The following BZW2 variants were observed in gnomAD, a reference collection of about 807,000 sequenced individuals.
The protein encoded by BZW2 is basic leucine zipper and W2 domains 2, also known as eIF5-mimic protein 1.
BZW2 carries 23 observed loss-of-function variants against 53.2 expected under a neutral mutation model. The ratio of observed to expected loss-of-function variants is 0.43; its 90% confidence interval spans 0.31 to 0.61. The LOEUF (loss-of-function observed/expected upper bound fraction) is 0.61, where lower values mean the gene tolerates loss of function less well. BZW2 is among the 20% of genes least tolerant of loss of function. The pLI, the probability that BZW2 is intolerant of heterozygous loss-of-function variation, is 0.09. For missense variants in BZW2, 409 were observed against 503.1 expected (o/e 0.81, Z 1.79); for synonymous variants, 227 against 186.4 (o/e 1.22, Z -1.77).
intron 3 of BZW2, among the ~76,000 whole-genome samples, chr7:16,678,293 G>T (rs754615942): frequency 1.3e-5 from 2 of 151,702 alleles, no homozygotes; most frequent in Non-Finnish European, 2.9e-5. Flanking sequence ...CTGACCTCAG[G>T]TGATCTGTCC....
At chr7:16,689,174 C>T (rs180678255) in intron 6 of BZW2, among the ~76,000 whole-genome samples, 91 of 152,154 alleles carry the variant, frequency 6.0e-4, no homozygotes, top group African/African-American at 2.1e-3. Flanking sequence ...TGCAGTGAGC[C>T]GAGATCGTGC....
intron 3 of BZW2, among the ~76,000 whole-genome samples, chr7:16,677,496 G>C (rs1782802596): frequency 6.6e-6 from 1 of 152,192 alleles, no homozygotes; most frequent in African/African-American, 2.4e-5. Flanking sequence ...GGGTTGTGTA[G>C]TTGAGATTTC....
At chr7:16,667,891 G>A (rs1782479689) in intron 2 of BZW2, among the ~76,000 whole-genome samples, 2 of 151,948 alleles carry the variant, frequency 1.3e-5, no homozygotes, top group Non-Finnish European at 2.9e-5. Context: ...CCACTACATT[G>A]CCCCTTGCCA....
chr7:16,661,498 A>T (rs947340897), intron 1 of BZW2, among the ~76,000 whole-genome samples: 1 of 152,160 alleles, frequency 6.6e-6, no homozygotes, highest in East Asian at 1.9e-4. Flanking sequence ...CAGTTAGAAG[A>T]TTAACAGACT....
chr7:16,647,097 G>A (rs774874587), intron 1 of BZW2, among the ~76,000 whole-genome samples: 1 of 152,160 alleles, frequency 6.6e-6, no homozygotes, highest in Admixed American at 6.5e-5. Context: ...TAGGTAGATG[G>A]GGGTAAATAC....
chr7:16,685,034 G>A (rs950996701), intron 5 of BZW2, among the ~76,000 whole-genome samples: 2 of 152,170 alleles, frequency 1.3e-5, no homozygotes, highest in Admixed American at 1.3e-4. Context: ...TGTGGTGATA[G>A]TGGCCCCTGA....
At chr7:16,684,737 C>A (rs1020616734) in intron 5 of BZW2, among the ~76,000 whole-genome samples, 1 of 152,128 alleles carries the variant, frequency 6.6e-6, no homozygotes, top group Non-Finnish European at 1.5e-5. Flanking sequence ...TCCCTCACTC[C>A]CTGGCACTTA....
intron 9 of BZW2, among the ~76,000 whole-genome samples, chr7:16,697,603 A>G (rs985183209): frequency 6.6e-5 from 10 of 152,216 alleles, no homozygotes; most frequent in Non-Finnish European, 1.3e-4. Context: ...AACAATGGCT[A>G]TGCCTCAGTG....
intron 2 of BZW2, among the ~76,000 whole-genome samples, chr7:16,669,572 A>T (rs2128356300): frequency 6.6e-6 from 1 of 152,368 alleles, no homozygotes; most frequent in Non-Finnish European, 1.5e-5. Context: ...TTTTACAGGA[A>T]AAAAGAAAAT....
chr7:16,685,946 A>C lies in BZW2; in HGVS notation c.447A>C (p.Thr149=). 1 of 1,567,600 alleles carries C rather than the reference A, an allele frequency of 6.4e-7. No homozygotes were observed. Among genetic ancestry groups the C allele is most frequent in the African/African-American group, 1.4e-5 (1 of 72,934 alleles). The part of the protein sequence containing the change: ...FLKAFSETEQ[T]KLAMLSGILL... ...AAGCCTTTTCCGAAACAGAGCAGAC[A>C]AAGTTGGCGATGCTGTCGGGGATTC... Residue 149 remains threonine (T), a synonymous_variant, in exon 6 of 12, where the codon ACA becomes ACC. Coordinates refer to ENST00000258761, the MANE Select transcript of BZW2 (RefSeq NM_014038.3).
intron 2 of BZW2, among the ~76,000 whole-genome samples, chr7:16,673,744 A>C (rs1266071557): frequency 1.3e-5 from 2 of 152,026 alleles, no homozygotes; most frequent in Non-Finnish European, 2.9e-5. Context: ...CTTTTTCCAA[A>C]GGATACTTTG....
At chr7:16,699,819 T>G (rs1783614517) in intron 10 of BZW2, among the ~76,000 whole-genome samples, 2 of 152,184 alleles carry the variant, frequency 1.3e-5, no homozygotes, top group South Asian at 4.1e-4. Context: ...AGACTTCTTA[T>G]AACAACTACT....
intron 1 of BZW2, among the ~76,000 whole-genome samples, chr7:16,657,399 T>A (rs972686429): frequency 1.3e-5 from 2 of 152,226 alleles, no homozygotes; most frequent in South Asian, 2.1e-4. Flanking sequence ...TTAACATTTT[T>A]AAGTCACACA....
Position 16,675,945 on chromosome 7 carries a change from G to A in BZW2, c.235+1357G>A, listed in dbSNP as rs138447447. ...AAAATACAAAATTTAACAGGATGTG[G>A]TGGCGGCTGCCTGTAATCCCAGCTA... On this transcript the variant is annotated intron_variant, in intron 3 of 11. Transcript: ENST00000258761. 6.2e-3 allele frequency among the ~76,000 whole-genome samples: 942 copies of A among 152,260 alleles called. 12 individuals carry two copies. Among genetic ancestry groups the A allele is most frequent in the African/African-American group, 0.022 (908 of 41,542 alleles).
chr7:16,682,418 C>T (rs1028740173), intron 4 of BZW2, among the ~76,000 whole-genome samples: 17 of 152,150 alleles, frequency 1.1e-4, no homozygotes, highest in African/African-American at 2.4e-5. Context: ...GCACTTTGCT[C>T]TCCTCCCCAT....
At chr7:16,646,466 CG>C (rs1192616363) in intron 1 of BZW2, among the ~76,000 whole-genome samples, 178 bp downstream of exon 1, 5 of 149,262 alleles carry the variant, frequency 3.3e-5, no homozygotes, top group Non-Finnish European at 7.4e-5. Flanking sequence ...ACGGCGCGTA[CG>C]GGGTATCAGT....
At chr7:16,671,492 C>T (rs1782597570) in intron 2 of BZW2, among the ~76,000 whole-genome samples, 1 of 152,164 alleles carries the variant, frequency 6.6e-6, no homozygotes, top group Non-Finnish European at 1.5e-5. Context: ...AATGTCCTTT[C>T]ACCATTATCC....
At chr7:16,686,939 T>C (rs924229613) in intron 6 of BZW2, 2 of 152,176 alleles carry the variant, frequency 1.3e-5, no homozygotes, top group Admixed American at 6.5e-5. Context: ...TTATGACATT[T>C]TAAAGTATTT....
chr7:16,665,285 G>A (rs184026294), intron 1 of BZW2, among the ~76,000 whole-genome samples, 152 bp from the exon 2 acceptor site: 6 of 151,504 alleles, frequency 4.0e-5, no homozygotes, highest in African/African-American at 1.2e-4. Context: ...CCACCTGGGC[G>A]ACAGCGAGAC....
Sources: gnomAD v4.1 joint callset for allele counts (sites outside exome capture counted in the v4.1 genomes callset) on GRCh38, gnomAD v4.1.1 for gene constraint, MANE v1.5 for transcripts, NCBI Gene and HGNC (gene_info 2026-07-23, HGNC 2026-07-21) for gene names.